The following SCFD2 variants were observed in gnomAD, a reference collection of about 807,000 sequenced individuals.
SCFD2 encodes sec1 family domain-containing protein 2.
A neutral mutation model predicts 58.9 loss-of-function variants in SCFD2; 54 were observed. The ratio of observed to expected loss-of-function variants is 0.92; its 90% CI spans 0.74 to 1.15. SCFD2 has a LOEUF of 1.15. Among genes scored for constraint, SCFD2 ranks in the 50% most tolerant of loss-of-function variants. The pLI, the probability that SCFD2 is intolerant of heterozygous loss-of-function variation, is 0.00. For missense variants in SCFD2, 805 were observed against 836.6 expected (o/e 0.96, Z 0.47); for synonymous variants, 321 against 335.9 (o/e 0.96, Z 0.49).
intron 5 of SCFD2, among the ~76,000 whole-genome samples, chr4:52,931,728 C>A (rs960648993): frequency 6.6e-6 from 1 of 152,220 alleles, no homozygotes. Flanking sequence ...ATGGGCCAGT[C>A]CAGCATCTCA....
chr4:52,915,929 G>C (rs914146588), intron 6 of SCFD2, among the ~76,000 whole-genome samples: 1 of 152,254 alleles, frequency 6.6e-6, no homozygotes, highest in Admixed American at 6.5e-5. Context: ...AGCCTGTTCA[G>C]AGAGCCACAT....
intron 5 of SCFD2, among the ~76,000 whole-genome samples, chr4:52,953,656 T>A (rs1468120812): frequency 6.6e-6 from 1 of 152,136 alleles, no homozygotes; most frequent in Non-Finnish European, 1.5e-5. Flanking sequence ...TTGTCAAGTG[T>A]CAAGGGCTGC....
At chr4:53,289,994 C>A (rs573627108) in intron 3 of SCFD2, among the ~76,000 whole-genome samples, 52 of 152,034 alleles carry the variant, frequency 3.4e-4, no homozygotes, top group African/African-American at 1.1e-3. Context: ...AAATATTAAC[C>A]GTCATGAAGA....
chr4:52,938,874 G>A (rs996225452), intron 5 of SCFD2, among the ~76,000 whole-genome samples: 1 of 152,114 alleles, frequency 6.6e-6, no homozygotes, highest in Non-Finnish European at 1.5e-5. Flanking sequence ...CTCCTCTTCC[G>A]TGTGTGGTAG....
rs551959690 is a variant in SCFD2, at chr4:53,109,359, C to T, written c.1561+35974G>A. On this transcript the variant is annotated intron_variant, in intron 5 of 8. Transcript: ENST00000401642. Reference sequence around the variant, plus strand: ...CCTATTCAACATAATATTGGAAGTTCTGGCCAGGGCAATCAGGCAAGAGAA... The same window carrying T: ...CCTATTCAACATAATATTGGAAGTTTTGGCCAGGGCAATCAGGCAAGAGAA... 2.0e-5 allele frequency among the ~76,000 whole-genome samples: 3 copies of T among 152,252 alleles called. No individual in the cohort carries two copies. In the East Asian group the frequency reaches 5.8e-4, roughly 29 times the overall value.
intron 5 of SCFD2, among the ~76,000 whole-genome samples, chr4:52,999,672 G>A (rs1276581001): frequency 6.6e-6 from 1 of 152,182 alleles, no homozygotes; most frequent in Non-Finnish European, 1.5e-5. Context: ...AATACTGTTT[G>A]ACATTCTCGT....
intron 5 of SCFD2, among the ~76,000 whole-genome samples, chr4:53,122,809 C>T (rs1050946494): frequency 9.2e-5 from 14 of 152,132 alleles, no homozygotes; most frequent in African/African-American, 3.4e-4. Flanking sequence ...ATTTTATAGG[C>T]ACTCAGTAAA....
At chr4:53,151,510 C>T (rs887598634) in intron 4 of SCFD2, among the ~76,000 whole-genome samples, 1 of 152,222 alleles carries the variant, frequency 6.6e-6, no homozygotes, top group Admixed American at 6.5e-5. Flanking sequence ...AATTAAAATG[C>T]CACTGCAAAG....
At chr4:52,917,909 G>A (rs560700516) in intron 6 of SCFD2, among the ~76,000 whole-genome samples, 291 of 152,340 alleles carry the variant, frequency 1.9e-3, no homozygotes, top group Non-Finnish European at 2.8e-3. Context: ...CCTAGCAAGG[G>A]AAGCAGGAGT....
intron 5 of SCFD2, among the ~76,000 whole-genome samples, chr4:52,967,395 C>T (rs565224897): frequency 6.6e-6 from 1 of 152,160 alleles, no homozygotes; most frequent in Non-Finnish European, 1.5e-5. Flanking sequence ...ACATGGCAGT[C>T]CTTGTTGTCC....
intron 5 of SCFD2, among the ~76,000 whole-genome samples, chr4:53,137,644 A>AGCTTTACACTAG (rs1725981862): frequency 6.6e-6 from 1 of 152,200 alleles, no homozygotes; most frequent in African/African-American, 2.4e-5. Flanking sequence ...TTCATTCTCT[A>AGCTTTACACTAG]GCTTTACACT....
intron 4 of SCFD2, among the ~76,000 whole-genome samples, chr4:53,268,028 C>T (rs1731042840): frequency 1.3e-5 from 2 of 152,040 alleles, no homozygotes; most frequent in African/African-American, 2.4e-5. Context: ...GTGATGTAGA[C>T]AGCAGCAGGG....
At chr4:53,065,354 T>C (rs945407204) in intron 5 of SCFD2, among the ~76,000 whole-genome samples, 2 of 151,898 alleles carry the variant, frequency 1.3e-5, no homozygotes, top group African/African-American at 4.8e-5. Context: ...AGTCTAAATA[T>C]GAAAGGAAAT....
rs552170814 is a variant in SCFD2, at chr4:53,138,058, G to GA, written c.1561+7274dup. ...CATTCTCATTGTCTATGCACATGAT[G>GA]AGAAAAGGGTGGGGAAGCACTACCC... On this transcript the variant is annotated intron_variant, in intron 5 of 8. Coordinates refer to ENST00000401642, the MANE Select transcript of SCFD2 (RefSeq NM_152540.4). Among the ~76,000 whole-genome samples, 180 of 152,262 alleles carry GA rather than the reference G, an allele frequency of 1.2e-3. 1 individual carries two copies. The highest frequency in any genetic ancestry group is 5.4e-3 in the South Asian group (26 of 4,810).
intron 5 of SCFD2, among the ~76,000 whole-genome samples, chr4:52,974,944 T>C (rs1363891639): frequency 1.3e-5 from 2 of 152,158 alleles, no homozygotes; most frequent in African/African-American, 4.8e-5. Flanking sequence ...TAATAAATGG[T>C]GCTGGGAAAA....
chr4:53,156,571 A>G (rs1726695297), intron 4 of SCFD2, among the ~76,000 whole-genome samples: 2 of 152,130 alleles, frequency 1.3e-5, no homozygotes, highest in Admixed American at 1.3e-4. Flanking sequence ...GGTGGCAGGC[A>G]CCTGTAGTCC....
Position 53,278,079 on chromosome 4 carries a change from A to T in SCFD2, c.1136-4078T>A, listed in dbSNP as rs1354802636. On this transcript the variant is annotated intron_variant, in intron 3 of 8. Coordinates refer to ENST00000401642, the MANE Select transcript of SCFD2 (RefSeq NM_152540.4). ...AACAAAAAACAAAAAAAAAAAAAAC[A>T]GTCCTCGCCAGGCGCAGTGGCTCAC... 1.2e-4 allele frequency among the ~76,000 whole-genome samples: 18 copies of T among 151,458 alleles called. No homozygotes were observed. The South Asian group carries it at 3.6e-3, about 30-fold the overall frequency.
intron 4 of SCFD2, among the ~76,000 whole-genome samples, chr4:53,264,063 C>T (rs1284519371): frequency 1.3e-5 from 2 of 152,158 alleles, no homozygotes; most frequent in Non-Finnish European, 2.9e-5. Flanking sequence ...ACACAGATCA[C>T]CAGGGAAAAG....
intron 5 of SCFD2, among the ~76,000 whole-genome samples, chr4:53,136,115 C>T (rs1428714459): frequency 6.6e-6 from 1 of 152,152 alleles, no homozygotes; most frequent in Non-Finnish European, 1.5e-5. Context: ...ATATTTAGTT[C>T]ATGGATGATA....
Sources: gnomAD v4.1 joint callset for allele counts (sites outside exome capture counted in the v4.1 genomes callset) on GRCh38, gnomAD v4.1.1 for gene constraint, MANE v1.5 for transcripts, NCBI Gene and HGNC (gene_info 2026-07-23, HGNC 2026-07-21) for gene names.